Variants in MCM3AP observed in about 807,000 individuals in gnomAD.
The protein encoded by MCM3AP is minichromosome maintenance complex component 3 associated protein, also known as germinal-center associated nuclear protein.
MCM3AP carries 126 observed loss-of-function variants against 184.1 expected under a neutral mutation model. The ratio of observed to expected loss-of-function variants is 0.68; its 90% CI spans 0.59 to 0.79. The LOEUF is 0.79. Among genes scored for constraint, MCM3AP ranks in the 30% least tolerant of loss-of-function variants. The pLI, the probability that MCM3AP is intolerant of heterozygous loss-of-function variation, is 0.00. For missense variants in MCM3AP, 2,496 were observed against 2,479.2 expected (o/e 1.01, Z -0.14); for synonymous variants, 1,002 against 979.3 (o/e 1.02, Z -0.43).
chr21:46,276,433 C>T (rs532103325), intron 5 of MCM3AP, among the ~76,000 whole-genome samples: 4 of 151,904 alleles, frequency 2.6e-5, no homozygotes, highest in Admixed American at 1.3e-4. Context: ...GAGGAAACTC[C>T]TATAGCTGAT....
chr21:46,244,551 C>T (rs766256379), intron 23 of MCM3AP: 43 of 524,056 alleles, frequency 8.2e-5, no homozygotes, highest in Non-Finnish European at 1.3e-4. Context: ...TCTCCTGAAG[C>T]TGAGTGAACT....
At chr21:46,273,652 A>G in intron 6 of MCM3AP, 67 bp from the exon 7 acceptor site, 1 of 1,222,328 alleles carries the variant, frequency 8.2e-7, no homozygotes, top group African/African-American at 1.5e-5. Context: ...GTTATGCCTG[A>G]AAATGAGGGG....
At chr21:46,240,637 G>T (rs919297197) in intron 26 of MCM3AP, among the ~76,000 whole-genome samples, 174 bp downstream of exon 26, 2 of 152,128 alleles carry the variant, frequency 1.3e-5, no homozygotes, top group African/African-American at 4.8e-5. Flanking sequence ...ACTATCTAGG[G>T]CACTGCTTCT....
intron 20 of MCM3AP, chr21:46,247,323 C>T (rs2080790080): frequency 6.4e-6 from 1 of 155,584 alleles, no homozygotes; most frequent in South Asian, 2.0e-4. Flanking sequence ...GGACAATCAC[C>T]CTAGAAAAAT....
Position 46,235,214 on chromosome 21 carries a change from T to C in MCM3AP, c.*54A>G. The C allele has an allele frequency of 6.4e-7, 1 of 1,564,124 alleles. No homozygotes were observed. The highest frequency in any genetic ancestry group is 1.4e-5 in the African/African-American group (1 of 73,728). On this transcript the variant is annotated 3_prime_UTR_variant, in exon 28 of 28. Coordinates refer to ENST00000291688, the MANE Select transcript of MCM3AP (RefSeq NM_003906.5). Reference sequence around the variant, plus strand: ...CAAGCATCTGAGAATAACATTATTTTGAGTAAAAACAGAAACTCTTCGGGA... The same window carrying C: ...CAAGCATCTGAGAATAACATTATTTCGAGTAAAAACAGAAACTCTTCGGGA...
chr21:46,266,672 T>C (rs1270294491), intron 10 of MCM3AP: 4 of 348,478 alleles, frequency 1.1e-5, no homozygotes, highest in South Asian at 4.1e-5. Flanking sequence ...TTGTCCGTCA[T>C]TGGCTGGCAA....
chr21:46,241,145 C>A, intron 25 of MCM3AP, 128 bp from the exon 26 acceptor site: 1 of 708,528 alleles, frequency 1.4e-6, no homozygotes, highest in East Asian at 2.6e-5. Context: ...CACATGTGCC[C>A]TCCTGGAACA....
In MCM3AP at chr21:46,275,282, A is replaced by T; in HGVS notation, c.1902T>A (p.Val634=). The T allele has an allele frequency of 6.8e-6, 11 of 1,614,152 alleles. No homozygotes were observed. Among genetic ancestry groups the T allele is most frequent in the Non-Finnish European group, 9.3e-6 (11 of 1,180,020 alleles). ...CAGGACACATATCCAGGCAGGTGCC[A>T]ACAAAAGTCCTCGCTTTGTCCAGAT... The part of the protein sequence containing the change: ...RTDLDKARTF[V]GTCLDMCPEK... Residue 634 remains valine, a synonymous_variant, in exon 6 of 28, where the codon GTT becomes GTA. Coordinates refer to ENST00000291688, the MANE Select transcript of MCM3AP (RefSeq NM_003906.5).
At chr21:46,271,164 ATT>A (rs889506309) in intron 8 of MCM3AP, among the ~76,000 whole-genome samples, 2 of 145,502 alleles carry the variant, frequency 1.4e-5, no homozygotes, top group Non-Finnish European at 1.5e-5. Flanking sequence ...AACCAGTTTA[ATT>A]TTTTTTTTTT....
At chr21:46,259,128 T>C (rs745448887) in intron 15 of MCM3AP, 37 bp from the exon 16 acceptor site, 17 of 1,579,894 alleles carry the variant, frequency 1.1e-5, no homozygotes, top group Non-Finnish European at 8.6e-7. Flanking sequence ...GACACTGCAC[T>C]TGGGGCCCAC....
chr21:46,251,888 T>C lies in MCM3AP; in HGVS notation c.4137-206A>G, dbSNP rs887553898. The C allele has an allele frequency of 2.7e-5, 10 of 366,474 alleles. No individual in the cohort carries two copies. In the East Asian group the frequency reaches 3.7e-4, roughly 14 times the overall value. 22.7% of individuals were successfully genotyped at this position (366,474 alleles called of 1,614,324 possible). A position where few individuals can be genotyped will look rare whatever the true frequency, so the allele number is the denominator to read the frequency against. On this transcript the variant is annotated intron_variant, in intron 19 of 27. Coordinates refer to ENST00000291688, the MANE Select transcript of MCM3AP (RefSeq NM_003906.5). Reference sequence around the variant, plus strand: ...CAACGATCTGTACTCGTTCTTTTTTTTTTTTTTTTTTTTTTGAGCCAGGGT... The same window carrying C: ...CAACGATCTGTACTCGTTCTTTTTTCTTTTTTTTTTTTTTTGAGCCAGGGT...
At chr21:46,253,217 G>A (rs905211278) in intron 19 of MCM3AP, 2 of 152,170 alleles carry the variant, frequency 1.3e-5, no homozygotes, top group African/African-American at 4.8e-5. Context: ...ATAAGATCAT[G>A]TCAATTTTTT....
At chr21:46,270,285 G>A in intron 9 of MCM3AP, 116 bp downstream of exon 9, 2 of 980,540 alleles carry the variant, frequency 2.0e-6, no homozygotes, top group South Asian at 1.7e-5. Flanking sequence ...CTGCTGCAAG[G>A]GTGACACAGC....
intron 24 of MCM3AP, 138 bp from the exon 25 acceptor site, chr21:46,243,069 A>G: frequency 1.3e-6 from 1 of 797,654 alleles, no homozygotes; most frequent in South Asian, 1.8e-5. Flanking sequence ...GCTTAAATTC[A>G]CTGATTTAAG....
In MCM3AP at chr21:46,285,604, T is replaced by A; in HGVS notation, c.-318A>T. ...GTTACAGAGGTTTAAAGCGTGATCCTTTAAGATTAAAAAAAAAAAAGCCGA... is the reference window on the plus strand; with the variant it reads ...GTTACAGAGGTTTAAAGCGTGATCCATTAAGATTAAAAAAAAAAAAGCCGA... On this transcript the variant is annotated 5_prime_UTR_variant, in exon 1 of 28. In the 5' UTR this introduces an upstream ATG that the reference lacks. Transcript: ENST00000291688. 2 of 220,276 alleles carry A rather than the reference T, an allele frequency of 9.1e-6. No individual in the cohort carries two copies. The highest frequency in any genetic ancestry group is 1.7e-5 in the Non-Finnish European group (2 of 115,358). The allele number at this position is 220,276 out of a possible 1,614,324, so 13.6% of individuals were successfully genotyped here. A position where few individuals can be genotyped will look rare whatever the true frequency, so the allele number is the denominator to read the frequency against.
rs1187976645 is a variant in MCM3AP at position 46,266,880 on chromosome 21, C to A, written c.2789+102G>T. 3.1e-6 allele frequency: 4 copies of A among 1,300,920 alleles called. No individual in the cohort carries two copies. In the African/African-American group the frequency reaches 5.9e-5, roughly 19 times the overall value. The allele number at this position is 1,300,920 out of a possible 1,614,324, so 80.6% of individuals were successfully genotyped here. A position where few individuals can be genotyped will look rare whatever the true frequency, so the allele number is the denominator to read the frequency against. Reference sequence around the variant, plus strand: ...TCACCTGCATGGCAGAGGGAATGCACCTTCTTCAAGTCAGGCAAGCAGCCA... The same window carrying A: ...TCACCTGCATGGCAGAGGGAATGCAACTTCTTCAAGTCAGGCAAGCAGCCA... On this transcript the variant is annotated intron_variant, in intron 10 of 27. Coordinates refer to ENST00000291688, the MANE Select transcript of MCM3AP (RefSeq NM_003906.5).
At position 46,277,702 on chromosome 21, in the gene MCM3AP, C is replaced by T. The variant is rs2081273633; in HGVS notation, c.1683G>A (p.Lys561=). 2 of 1,589,836 alleles carry T rather than the reference C, an allele frequency of 1.3e-6. No homozygotes were observed. The highest frequency in any genetic ancestry group is 1.4e-5 in the African/African-American group (1 of 73,778). Residue 561 remains lysine (K), a synonymous_variant, in exon 5 of 28, where the codon AAG becomes AAA. Transcript: ENST00000291688. ...SLLNKSSPVK[K]PSLLKAHQFE... ...ATTGGTGGGCCTTTAGAAGACTTGG[C>T]TTCTTCACTGGAGAGCTATAAAGTA...
chr21:46,235,526 C>T lies in MCM3AP; in HGVS notation c.5785-100G>A, dbSNP rs2080506466. 5.6e-5 allele frequency: 54 copies of T among 966,562 alleles called. No homozygotes were observed. In the South Asian group the frequency reaches 7.7e-4, roughly 14 times the overall value. The allele number at this position is 966,562 out of a possible 1,614,324, so 59.9% of individuals were successfully genotyped here. A position where few individuals can be genotyped will look rare whatever the true frequency, so the allele number is the denominator to read the frequency against. ...ATCTGGATCATGTTAGAAACCTCAT[C>T]TGAGTAGTCATTTATTTTTACAGAG... On this transcript the variant is annotated intron_variant, in intron 27 of 27. Coordinates refer to ENST00000291688, the MANE Select transcript of MCM3AP (RefSeq NM_003906.5).
Position 46,285,136 on chromosome 21 carries a change from C to T in MCM3AP, c.151G>A (p.Gly51Arg). The T allele has an allele frequency of 1.2e-6, 2 of 1,614,140 alleles. No individual in the cohort carries two copies. The highest frequency in any genetic ancestry group is 1.1e-5 in the South Asian group (1 of 91,078). ...GGAAAGCTGGATACCTGTGAAAATC[C>T]CGAGCTCTTCCCAGATAAGGTACTG... ...QNSTLSGKSS[G>R]FSQVSSFPAS... is the part of the protein sequence containing the mutation. The change falls in exon 1 of 28, where the codon GGA becomes AGA. Residue 51 changes from glycine to arginine, a missense_variant. By Grantham distance (125) the Gly-to-Arg change is moderately radical (BLOSUM62 -2). This residue lies in a region of MCM3AP where 800 missense variants were observed against 717.1 expected (regional missense o/e 1.12). Coordinates refer to ENST00000291688, the MANE Select transcript of MCM3AP (RefSeq NM_003906.5).
Sources: allele counts gnomAD v4.1 joint callset (sites outside exome capture counted in the v4.1 genomes callset), GRCh38; gene constraint gnomAD v4.1.1; regional missense constraint gnomAD v4.1.1; transcripts MANE v1.5; gene names NCBI Gene and HGNC (gene_info 2026-07-23, HGNC 2026-07-21).